Variants in ITGAL observed in about 807,000 individuals in gnomAD.
ITGAL encodes integrin alpha-L.
Under a neutral mutation model 138.4 loss-of-function variants are expected in ITGAL, and 68 were observed. The ratio of observed to expected loss-of-function variants is 0.49; its 90% CI spans 0.40 to 0.60. The LOEUF (loss-of-function observed/expected upper bound fraction) is 0.60, where lower values mean the gene tolerates loss of function less well. Ranked by LOEUF, ITGAL falls within the 20% of genes least tolerant of loss-of-function variation. ITGAL has a pLI of 0.00. For synonymous variants in ITGAL, 561 were observed against 584.3 expected (o/e 0.96, Z 0.57); for missense variants, 1,256 against 1,478.6 (o/e 0.85, Z 2.47).
In ITGAL at chr16:30,517,049, G is replaced by A; in HGVS notation, c.2939G>A (p.Ser980Asn). 1.2e-6 allele frequency: 2 copies of A among 1,613,340 alleles called. No homozygotes were observed. The highest frequency in any genetic ancestry group is 1.7e-6 in the Non-Finnish European group (2 of 1,179,528). ...EAVVGVPQPP[S>N]EGPITHQWSV... ...GTGGTTGGGGTGCCACAGCCTCCCAGCGAGGGGCCCATCACACACCAGTGG... is the reference window on the plus strand; with the variant it reads ...GTGGTTGGGGTGCCACAGCCTCCCAACGAGGGGCCCATCACACACCAGTGG... Residue 980 changes from serine (S) to asparagine (N), a missense_variant, in exon 26 of 31, where the codon AGC becomes AAC. By Grantham distance (46) the Ser-to-Asn change is conservative. Transcript: ENST00000356798.
chr16:30,513,446 A>G (rs1187141386), intron 24 of ITGAL, among the ~76,000 whole-genome samples: 1 of 152,220 alleles, frequency 6.6e-6, no homozygotes, highest in East Asian at 1.9e-4. Context: ...GAGGGGCATC[A>G]GCAGTGGATA....
chr16:30,488,665 C>T lies in ITGAL; in HGVS notation c.1007-417C>T, dbSNP rs542198240. ...CTGTGGTGAGCTGAGATTGCACTAC[C>T]GCACTCCAGCCTCGGTGACAGAGAG... On this transcript the variant is annotated intron_variant, in intron 9 of 30. Transcript: ENST00000356798. 2.8e-5 allele frequency among the ~76,000 whole-genome samples: 4 copies of T among 143,728 alleles called. No homozygotes were observed. The South Asian group carries it at 7.0e-4, about 25-fold the overall frequency. The allele number at this position is 143,728 out of a possible 152,430, so 94.3% of individuals were successfully genotyped here. A position where few individuals can be genotyped will look rare whatever the true frequency, so the allele number is the denominator to read the frequency against.
chr16:30,515,500 A>T (rs1055049518), intron 25 of ITGAL, among the ~76,000 whole-genome samples: 2 of 151,142 alleles, frequency 1.3e-5, no homozygotes, highest in Non-Finnish European at 3.0e-5. Flanking sequence ...TGCTGCTCCA[A>T]CTCCTCACTC....
chr16:30,498,240 G>T (rs2050833079), intron 15 of ITGAL, among the ~76,000 whole-genome samples: 1 of 146,522 alleles, frequency 6.8e-6, no homozygotes, highest in African/African-American at 2.6e-5. Flanking sequence ...CAGGAGAATT[G>T]CTTGAGCCCA....
chr16:30,490,900 G>A (rs1270750686), intron 11 of ITGAL, among the ~76,000 whole-genome samples: 1 of 151,682 alleles, frequency 6.6e-6, no homozygotes, highest in African/African-American at 2.4e-5. Context: ...AACCTGGGAG[G>A]CGGAAGTTAC....
rs527629880 is a variant in ITGAL at position 30,515,516 on chromosome 16, C to G, written c.2863-1457C>G. Among the ~76,000 whole-genome samples the G allele has an allele frequency of 1.4e-3, 208 of 152,328 alleles. 2 individuals are homozygous for G. Among genetic ancestry groups the G allele is most frequent in the African/African-American group, 4.5e-3 (186 of 41,566 alleles). ...GCTGCTCCAACTCCTCACTCTCAAG[C>G]CTTCCAGGCCCCATAGTGTGATCTT... On this transcript the variant is annotated intron_variant, in intron 25 of 30. Coordinates refer to ENST00000356798, the MANE Select transcript of ITGAL (RefSeq NM_002209.3).
In ITGAL at chr16:30,516,995, A is replaced by T; in HGVS notation, c.2885A>T (p.His962Leu). Residue 962 changes from histidine (H) to leucine (L), a missense_variant, in exon 26 of 31, where the codon CAC becomes CTC. Physicochemically the swap from His to Leu is moderately conservative, Grantham distance 99. Around this residue, in one of 3 missense-constraint regions of ITGAL, gnomAD observed 867 missense variants for 972.5 expected, o/e 0.89. Transcript: ENST00000356798. Reference sequence around the variant, plus strand: ...CAGGTGAGGATCCAGCCTTCCATCCACGACCACAACATACCCACCCTGGAG... The same window carrying T: ...CAGGTGAGGATCCAGCCTTCCATCCTCGACCACAACATACCCACCCTGGAG... ...MYQVRIQPSI[H>L]DHNIPTLEAV... is the part of the protein sequence containing the mutation. The T allele has an allele frequency of 6.2e-7, 1 of 1,613,682 alleles. No individual in the cohort carries two copies. Among genetic ancestry groups the T allele is most frequent in the Non-Finnish European group, 8.5e-7 (1 of 1,179,650 alleles).
At position 30,521,240 on chromosome 16, in the gene ITGAL, C is replaced by T. The variant is rs539981925; in HGVS notation, c.3340-252C>T. ...TGGCCAACATGGTGAAACCCTGTCTCTACTAAAAATACAAAAATTAGCCGG... is the reference window on the plus strand; with the variant it reads ...TGGCCAACATGGTGAAACCCTGTCTTTACTAAAAATACAAAAATTAGCCGG... On this transcript the variant is annotated intron_variant, in intron 30 of 30. Coordinates refer to ENST00000356798, the MANE Select transcript of ITGAL (RefSeq NM_002209.3). 1.3e-4 allele frequency among the ~76,000 whole-genome samples: 20 copies of T among 151,966 alleles called. No individual in the cohort carries two copies. In the South Asian group the frequency reaches 4.2e-3, roughly 32 times the overall value.
intron 4 of ITGAL, among the ~76,000 whole-genome samples, chr16:30,476,835 T>C (rs1240522033): frequency 6.6e-6 from 1 of 152,158 alleles, no homozygotes; most frequent in African/African-American, 2.4e-5. Context: ...GGTTTCGCCA[T>C]GTTGGCCAGG....
In ITGAL at chr16:30,492,122, A is replaced by G. The variant is rs1212637793; in HGVS notation, c.1214-2090A>G. Among the ~76,000 whole-genome samples, 37 of 152,164 alleles carry G rather than the reference A, an allele frequency of 2.4e-4. 1 individual carries two copies. The highest frequency in any genetic ancestry group is 5.4e-4 in the Non-Finnish European group (37 of 68,038). Reference sequence around the variant, plus strand: ...GCTGGTGGCTCTTGGCTCTAGCCCAATCTTGGGTCCAATTTCCTGCAGTGT... The same window carrying G: ...GCTGGTGGCTCTTGGCTCTAGCCCAGTCTTGGGTCCAATTTCCTGCAGTGT... On this transcript the variant is annotated intron_variant, in intron 11 of 30. Coordinates refer to ENST00000356798, the MANE Select transcript of ITGAL (RefSeq NM_002209.3).
chr16:30,478,316 A>G (rs2050501053), intron 4 of ITGAL, among the ~76,000 whole-genome samples: 1 of 150,506 alleles, frequency 6.6e-6, no homozygotes, highest in Non-Finnish European at 1.5e-5. Context: ...ACTGGGTGAC[A>G]AAGCGAGACT....
chr16:30,519,753 G>C, intron 29 of ITGAL, 104 bp from the exon 30 acceptor site: 1 of 762,552 alleles, frequency 1.3e-6, no homozygotes, highest in Non-Finnish European at 2.4e-6. Context: ...CTCCAGGCGG[G>C]TGATGCAGTC....
intron 4 of ITGAL, among the ~76,000 whole-genome samples, chr16:30,478,288 C>T (rs1196166998): frequency 3.4e-5 from 5 of 147,608 alleles, no homozygotes; most frequent in African/African-American, 1.0e-4. Context: ...GAGCCAAGAT[C>T]GCACCACTGC....
At chr16:30,473,768 G>T (rs1189266407) in intron 1 of ITGAL, among the ~76,000 whole-genome samples, 1 of 152,126 alleles carries the variant, frequency 6.6e-6, no homozygotes, top group Non-Finnish European at 1.5e-5. Context: ...GGGATCAGGG[G>T]AGCTACAATC....
intron 7 of ITGAL, 91 bp from the exon 8 acceptor site, chr16:30,483,736 C>G: frequency 1.4e-6 from 2 of 1,395,618 alleles, no homozygotes; most frequent in Non-Finnish European, 2.0e-6. Context: ...TTTGCGTAAC[C>G]AGCATGGAGG....
intron 21 of ITGAL, among the ~76,000 whole-genome samples, chr16:30,507,620 A>G (rs1486002328): frequency 6.6e-6 from 1 of 151,818 alleles, no homozygotes; most frequent in East Asian, 1.9e-4. Context: ...ACTGCACTCC[A>G]GCCTGGGTGA....
chr16:30,513,006 T>G (rs2051111859), intron 24 of ITGAL, among the ~76,000 whole-genome samples: 1 of 152,210 alleles, frequency 6.6e-6, no homozygotes, highest in Non-Finnish European at 1.5e-5. Context: ...TGGCCTCCAG[T>G]GCTTTTGAAC....
intron 6 of ITGAL, 93 bp downstream of exon 6, chr16:30,479,554 C>T: frequency 3.1e-6 from 4 of 1,303,104 alleles, no homozygotes; most frequent in South Asian, 1.4e-5. Context: ...ATGTGGAATC[C>T]TCAGAGCCTA....
chr16:30,491,512 G>A (rs1305570534), intron 11 of ITGAL, among the ~76,000 whole-genome samples: 3 of 152,106 alleles, frequency 2.0e-5, no homozygotes, highest in Non-Finnish European at 2.9e-5. Flanking sequence ...AGAATCCTGA[G>A]TGTCTACTAT....
Sources: allele counts gnomAD v4.1 joint callset (sites outside exome capture counted in the v4.1 genomes callset), GRCh38; gene constraint gnomAD v4.1.1; regional missense constraint gnomAD v4.1.1; transcripts MANE v1.5; gene names NCBI Gene and HGNC (gene_info 2026-07-23, HGNC 2026-07-21).